The following MORN1 variants were observed in gnomAD, a reference collection of about 807,000 sequenced individuals.
MORN1 encodes MORN repeat containing 1, also known as MORN repeat-containing protein 1.
MORN1 carries 67 observed loss-of-function variants against 61.9 expected under a neutral mutation model. The observed-to-expected ratio is 1.08, with a 90% CI of 0.89 to 1.33. The LOEUF is 1.33. MORN1 is among the 40% of genes most tolerant of loss of function. MORN1 has a pLI of 0.00. For synonymous variants in MORN1, 301 were observed against 292.0 expected (o/e 1.03, Z -0.31); for missense variants, 752 against 691.2 (o/e 1.09, Z -0.99).
intron 8 of MORN1, among the ~76,000 whole-genome samples, chr1:2,365,169 G>A (rs1454065825): frequency 1.3e-5 from 2 of 149,508 alleles, no homozygotes; most frequent in East Asian, 2.0e-4. Context: ...CCATTTTCAC[G>A]ATATTGATTC....
chr1:2,389,768 C>T (rs900500065), intron 2 of MORN1, among the ~76,000 whole-genome samples, 157 bp downstream of exon 2: 3 of 152,176 alleles, frequency 2.0e-5, no homozygotes, highest in African/African-American at 7.2e-5. Context: ...TTTCCCCTGC[C>T]CATCCAGCCT....
At chr1:2,363,039 A>T (rs1194095757) in intron 8 of MORN1, 1 of 152,232 alleles carries the variant, frequency 6.6e-6, no homozygotes, top group Non-Finnish European at 1.5e-5. Context: ...CAGAAGCCAC[A>T]GCAATGTGGG....
chr1:2,341,415 G>T (rs1451176139), intron 10 of MORN1, among the ~76,000 whole-genome samples: 1 of 152,184 alleles, frequency 6.6e-6, no homozygotes, highest in Non-Finnish European at 1.5e-5. Context: ...GCTAAAAGGG[G>T]CCGGGCGTGG....
At chr1:2,335,152 C>A (rs906658691) in intron 12 of MORN1, among the ~76,000 whole-genome samples, 1 of 152,224 alleles carries the variant, frequency 6.6e-6, no homozygotes, top group Non-Finnish European at 1.5e-5. Context: ...TGAGTGGCAT[C>A]GAAGGCCTGC....
At chr1:2,329,365 C>T (rs1169216488) in intron 12 of MORN1, among the ~76,000 whole-genome samples, 3 of 152,228 alleles carry the variant, frequency 2.0e-5, no homozygotes, top group Non-Finnish European at 4.4e-5. Context: ...CAGTCAATCC[C>T]TTTCTCTCGT....
rs752660438 is a variant in MORN1, at chr1:2,385,858, T to A, written c.398A>T (p.Gln133Leu). The change falls in exon 5 of 14, where the codon CAG becomes CTG. Residue 133 changes from glutamine to leucine, a missense_variant. Transcript: ENST00000378531. ...CCTCTTGTTGTCATGGAAGGAGCCCTGGTACACTTGTCCATCCCGGTCCAC... is the reference window on the plus strand; with the variant it reads ...CCTCTTGTTGTCATGGAAGGAGCCCAGGTACACTTGTCCATCCCGGTCCAC... ...FLVDRDGQVY[Q>L]GSFHDNKRHG... 3.0e-5 allele frequency: 49 copies of A among 1,613,928 alleles called. No homozygotes were observed. In the South Asian group the frequency reaches 4.7e-4, roughly 16 times the overall value.
chr1:2,325,068 C>T (rs988334083), intron 12 of MORN1, among the ~76,000 whole-genome samples: 3 of 145,458 alleles, frequency 2.1e-5, no homozygotes, highest in African/African-American at 7.7e-5. Context: ...GTGAGATGCA[C>T]TTCGGAAATA....
chr1:2,355,100 G>T, intron 10 of MORN1: 1 of 994,332 alleles, frequency 1.0e-6, no homozygotes, highest in East Asian at 8.9e-5. Context: ...CGCGGGGTAG[G>T]GTGCGATGCA....
chr1:2,368,575 T>A (rs1320898897), intron 8 of MORN1, among the ~76,000 whole-genome samples: 1 of 152,200 alleles, frequency 6.6e-6, no homozygotes, highest in Non-Finnish European at 1.5e-5. Context: ...TTTTATCTAG[T>A]CCTCAATTTG....
At chr1:2,338,413 A>T (rs927477109) in intron 10 of MORN1, among the ~76,000 whole-genome samples, 1 of 152,158 alleles carries the variant, frequency 6.6e-6, no homozygotes, top group Non-Finnish European at 1.5e-5. Flanking sequence ...TCCATTTCTT[A>T]ACGCACCGAT....
chr1:2,352,255 G>A (rs1381063735), intron 10 of MORN1: 2 of 201,586 alleles, frequency 9.9e-6, no homozygotes, highest in Non-Finnish European at 2.0e-5. Flanking sequence ...CTCCTAGCTG[G>A]AATAGGGGCA....
At chr1:2,348,026 A>AG (rs1436868908) in intron 10 of MORN1, among the ~76,000 whole-genome samples, 1 of 152,222 alleles carries the variant, frequency 6.6e-6, no homozygotes, top group Non-Finnish European at 1.5e-5. Context: ...GTCAGACCCC[A>AG]GCCTGGGCTT....
At chr1:2,360,315 G>C (rs953482986) in intron 8 of MORN1, among the ~76,000 whole-genome samples, 6 of 152,212 alleles carry the variant, frequency 3.9e-5, no homozygotes, top group African/African-American at 1.4e-4. Flanking sequence ...TGGAGTAACT[G>C]GGATCGATTG....
chr1:2,345,145 C>T (rs1251084075), intron 10 of MORN1, among the ~76,000 whole-genome samples: 6 of 152,214 alleles, frequency 3.9e-5, no homozygotes, highest in African/African-American at 9.7e-5. Flanking sequence ...CGTCAGCCCC[C>T]GCGAGGGTCC....
intron 6 of MORN1, among the ~76,000 whole-genome samples, chr1:2,382,616 A>T (rs951202254): frequency 6.6e-6 from 1 of 151,902 alleles, no homozygotes; most frequent in Non-Finnish European, 1.5e-5. Flanking sequence ...CCTTAGGCGC[A>T]CTCTCCCACT....
chr1:2,357,970 G>C lies in MORN1; in HGVS notation c.870-372C>G, dbSNP rs1641811002. On this transcript the variant is annotated intron_variant, in intron 9 of 13. Coordinates refer to ENST00000378531, the MANE Select transcript of MORN1 (RefSeq NM_024848.3). The surrounding 1 kb of genome is among the most constrained non-coding windows in gnomAD (Gnocchi z 6.3). ...GGGCCGGTGGGAAAAGGGAGTGTGAGAGCTGTGGCGTCACACTCAGGTCTG... is the reference window on the plus strand; with the variant it reads ...GGGCCGGTGGGAAAAGGGAGTGTGACAGCTGTGGCGTCACACTCAGGTCTG... Among the ~76,000 whole-genome samples, 1 of 152,160 alleles carries C rather than the reference G, an allele frequency of 6.6e-6. No homozygotes were observed. The highest frequency in any genetic ancestry group is 1.5e-5 in the Non-Finnish European group (1 of 68,042).
chr1:2,366,537 G>A (rs893154075), intron 8 of MORN1, among the ~76,000 whole-genome samples: 1 of 152,012 alleles, frequency 6.6e-6, no homozygotes, highest in Non-Finnish European at 1.5e-5. Flanking sequence ...TTGTTTGCTT[G>A]TTTTGAGACA....
chr1:2,389,577 ACTTT>A (rs1310661883), intron 2 of MORN1, among the ~76,000 whole-genome samples: 1 of 152,178 alleles, frequency 6.6e-6, no homozygotes, highest in African/African-American at 2.4e-5. Context: ...TTGACTTTAC[ACTTT>A]CTTTCTTCTA....
chr1:2,390,496 C>T, intron 1 of MORN1: 1 of 985,402 alleles, frequency 1.0e-6, no homozygotes, highest in South Asian at 4.7e-5. Flanking sequence ...TCATCTCCTC[C>T]TAGTTGCTGG....
Sources: gnomAD v4.1 joint callset for allele counts (sites outside exome capture counted in the v4.1 genomes callset) on GRCh38, gnomAD v4.1.1 for gene constraint, Gnocchi (gnomAD v3.1) non-coding constraint, MANE v1.5 for transcripts, NCBI Gene and HGNC (gene_info 2026-07-23, HGNC 2026-07-21) for gene names.